The following MBNL1 variants were observed in gnomAD, a reference collection of about 807,000 sequenced individuals.
MBNL1 encodes muscleblind like splicing regulator 1.
MBNL1 carries 8 observed loss-of-function variants against 42.2 expected under a neutral mutation model. The ratio of observed to expected loss-of-function variants is 0.19; its 90% CI spans 0.11 to 0.34. MBNL1 has a LOEUF of 0.34. MBNL1 is among the 10% of genes least tolerant of loss of function. The pLI is 1.00. For missense variants in MBNL1, 309 were observed against 495.3 expected, an observed-to-expected ratio of 0.62 and a Z score of 3.57; for synonymous variants, 169 against 173.9, an observed-to-expected ratio of 0.97 and a Z score of 0.22.
intron 2 of MBNL1, chr3:152,340,420 T>G: frequency 7.4e-7 from 1 of 1,352,370 alleles, no homozygotes; most frequent in Non-Finnish European, 1.0e-6. Context: ...CTGAGTTTTT[T>G]CCTGCCAAGT....
intron 2 of MBNL1, among the ~76,000 whole-genome samples, chr3:152,305,603 C>CTAGA (rs970353951): frequency 2.0e-5 from 3 of 151,396 alleles, no homozygotes; most frequent in African/African-American, 7.3e-5. Flanking sequence ...AAGTGGGTAA[C>CTAGA]TAGATAGATA....
chr3:152,356,587 A>G (rs1289937856), intron 2 of MBNL1, among the ~76,000 whole-genome samples: 5 of 152,140 alleles, frequency 3.3e-5, no homozygotes, highest in Non-Finnish European at 4.4e-5. Context: ...CTTGTGTCTC[A>G]GTCTCCCTAG....
chr3:152,344,684 A>AT (rs2093924944), intron 2 of MBNL1, among the ~76,000 whole-genome samples: 1 of 152,124 alleles, frequency 6.6e-6, no homozygotes, highest in Admixed American at 6.6e-5. Context: ...ACATTTAAAC[A>AT]TTTTCGCTTT....
chr3:152,387,654 A>G (rs113447139), intron 2 of MBNL1, among the ~76,000 whole-genome samples: 3,417 of 152,256 alleles, frequency 0.022, 57 homozygotes, highest in Non-Finnish European at 0.035. Context: ...TTTTCATCAG[A>G]AGTCACAGAA....
At chr3:152,249,331 C>T (rs1369896438) in intron 2 of MBNL1, among the ~76,000 whole-genome samples, 18 of 141,914 alleles carry the variant, frequency 1.3e-4, no homozygotes, top group Non-Finnish European at 2.5e-4. Context: ...GAGATGGTAT[C>T]TCATTGTGGT....
At chr3:152,288,201 A>G (rs2053712182) in intron 1 of MBNL1, among the ~76,000 whole-genome samples, 1 of 152,230 alleles carries the variant, frequency 6.6e-6, no homozygotes, top group Non-Finnish European at 1.5e-5. Context: ...TTAATAACTA[A>G]GAAAGAGAGT....
At chr3:152,331,042 C>T (rs183493154) in intron 2 of MBNL1, among the ~76,000 whole-genome samples, 240 of 152,212 alleles carry the variant, frequency 1.6e-3, no homozygotes, top group African/African-American at 5.6e-3. Context: ...AACCATTTTA[C>T]GTGAACACCA....
At chr3:152,454,302 C>A (rs1316386087) in intron 6 of MBNL1, among the ~76,000 whole-genome samples, 1 of 152,120 alleles carries the variant, frequency 6.6e-6, no homozygotes, top group Non-Finnish European at 1.5e-5. Context: ...TTAAGTAATC[C>A]GTGTTTCAGC....
chr3:152,389,919 A>G (rs1262199112), intron 2 of MBNL1, among the ~76,000 whole-genome samples: 2 of 152,062 alleles, frequency 1.3e-5, no homozygotes, highest in African/African-American at 4.8e-5. Flanking sequence ...TCTGTTGCCC[A>G]GGCTGGACTG....
At chr3:152,250,173 G>A (rs1225936466) in intron 2 of MBNL1, among the ~76,000 whole-genome samples, 1 of 151,846 alleles carries the variant, frequency 6.6e-6, no homozygotes, top group African/African-American at 2.4e-5. Flanking sequence ...TTGGTAGCTT[G>A]ATGGGGATGG....
intron 6 of MBNL1, 41 bp downstream of exon 6, chr3:152,447,814 A>G: frequency 6.3e-7 from 1 of 1,590,588 alleles, no homozygotes; most frequent in Non-Finnish European, 8.6e-7. Context: ...CTGATGATCT[A>G]CAGAGAGTCC....
At chr3:152,419,284 C>G (rs2098758612) in intron 3 of MBNL1, among the ~76,000 whole-genome samples, 1 of 151,938 alleles carries the variant, frequency 6.6e-6, no homozygotes, top group Non-Finnish European at 1.5e-5. Context: ...ATTGCCCGGG[C>G]AAGATGGCCA....
intron 2 of MBNL1, among the ~76,000 whole-genome samples, chr3:152,400,057 C>T (rs149146485): frequency 2.0e-5 from 3 of 152,236 alleles, no homozygotes; most frequent in African/African-American, 7.2e-5. Flanking sequence ...AGATATTTAA[C>T]CTCTGGGAAC....
At chr3:152,344,560 T>C (rs573490723) in intron 2 of MBNL1, among the ~76,000 whole-genome samples, 3 of 152,164 alleles carry the variant, frequency 2.0e-5, no homozygotes, top group Non-Finnish European at 2.9e-5. Flanking sequence ...TCCGTGAACA[T>C]TTGTGTCTTC....
rs897905898 is a variant in MBNL1, at chr3:152,463,092, C to T, written c.*726C>T. ...TTCAGTGTTATTGTTTTCAGAGCCA[C>T]ATTTTGTTGCATATTTGCTAGTACT... On this transcript the variant is annotated 3_prime_UTR_variant, in exon 10 of 10. Transcript: ENST00000324210. The T allele has an allele frequency of 1.3e-5, 2 of 150,292 alleles. No homozygotes were observed. The highest frequency in any genetic ancestry group is 2.4e-5 in the African/African-American group (1 of 40,956). 9.3% of individuals were successfully genotyped at this position (150,292 alleles called of 1,614,324 possible). A position where few individuals can be genotyped will look rare whatever the true frequency, so the allele number is the denominator to read the frequency against.
chr3:152,458,956 C>CGTGTGTGT (rs748781429), intron 8 of MBNL1: 2 of 194,490 alleles, frequency 1.0e-5, no homozygotes, highest in Non-Finnish European at 2.1e-5. Context: ...CACGGGGGTG[C>CGTGTGTGT]GTGTGTGTGT....
At chr3:152,263,350 C>G (rs2036619773), upstream of MBNL1, 1 of 152,190 alleles carries the variant, frequency 6.6e-6, no homozygotes, top group African/African-American at 2.4e-5. Flanking sequence ...ATTCTACCTT[C>G]ACTAATTTCG....
intron 3 of MBNL1, among the ~76,000 whole-genome samples, chr3:152,429,195 A>T (rs1172291691): frequency 1.3e-5 from 2 of 152,244 alleles, no homozygotes; most frequent in African/African-American, 2.4e-5. Flanking sequence ...ATGCTGACAC[A>T]AAATAAATAA....
At chr3:152,346,488 ATTAAG>A (rs1268072218) in intron 2 of MBNL1, among the ~76,000 whole-genome samples, 1 of 152,090 alleles carries the variant, frequency 6.6e-6, no homozygotes, top group Admixed American at 6.6e-5. Context: ...TTTTATGAGA[ATTAAG>A]TTATTATCTT....
Sources: gnomAD v4.1 joint callset for allele counts (sites outside exome capture counted in the v4.1 genomes callset) on GRCh38, gnomAD v4.1.1 for gene constraint, MANE v1.5 for transcripts, NCBI Gene and HGNC (gene_info 2026-07-23, HGNC 2026-07-21) for gene names.